AGBL1: variants seen among roughly 807,000 people sequenced by gnomAD.
AGBL1 encodes the protein AGBL carboxypeptidase 1, also known as cytosolic carboxypeptidase 4.
Under a neutral mutation model 118.9 loss-of-function variants are expected in AGBL1, and 130 were observed. The observed-to-expected ratio is 1.09, with a 90% CI of 0.95 to 1.26. The LOEUF is 1.26. Among genes scored for constraint, AGBL1 ranks in the 50% most tolerant of loss-of-function variants. The probability of loss-of-function intolerance (pLI) is 0.00; values close to 1 mark genes in which losing one functional copy is unlikely to be tolerated. For missense variants in AGBL1, 1,584 were observed against 1,298.1 expected, an observed-to-expected ratio of 1.22 and a Z score of -3.38; for synonymous variants, 555 against 478.9, an observed-to-expected ratio of 1.16 and a Z score of -2.08.
At chr15:86,367,363 T>C (rs1362820951) in intron 17 of AGBL1, among the ~76,000 whole-genome samples, 2 of 152,190 alleles carry the variant, frequency 1.3e-5, no homozygotes, top group Admixed American at 6.5e-5. Flanking sequence ...AATTCTAATA[T>C]GAAGGGAATT....
intron 23 of AGBL1, among the ~76,000 whole-genome samples, chr15:86,945,015 A>G (rs898137255): frequency 1.2e-4 from 19 of 152,292 alleles, no homozygotes; most frequent in African/African-American, 3.8e-4. Flanking sequence ...ACAATGTCAC[A>G]GTAAATAAAT....
At chr15:86,902,250 C>T (rs2080221373) in intron 22 of AGBL1, among the ~76,000 whole-genome samples, 1 of 152,180 alleles carries the variant, frequency 6.6e-6, no homozygotes, top group Admixed American at 6.5e-5. Flanking sequence ...TCTGGCTCAT[C>T]TATCTCCTCT....
At chr15:86,213,852 A>G (rs576339107) in intron 5 of AGBL1, among the ~76,000 whole-genome samples, 16 of 152,322 alleles carry the variant, frequency 1.1e-4, no homozygotes, top group African/African-American at 2.6e-4. Flanking sequence ...TATTTCCACT[A>G]TCTACTGTCA....
chr15:86,410,236 G>T (rs1447741035), intron 18 of AGBL1, among the ~76,000 whole-genome samples: 1 of 152,140 alleles, frequency 6.6e-6, no homozygotes, highest in African/African-American at 2.4e-5. Flanking sequence ...GGGGTGCTCT[G>T]ATTTTGCAGA....
intron 18 of AGBL1, among the ~76,000 whole-genome samples, chr15:86,470,789 TG>T (rs2082469702): frequency 1.3e-5 from 2 of 152,272 alleles, no homozygotes; most frequent in South Asian, 4.1e-4. Context: ...TTAATGCTAT[TG>T]TAAATGGGAT....
intron 5 of AGBL1, among the ~76,000 whole-genome samples, chr15:86,178,977 A>G (rs1488668722): frequency 6.6e-6 from 1 of 152,212 alleles, no homozygotes; most frequent in Non-Finnish European, 1.5e-5. Flanking sequence ...TTCCCAGACA[A>G]AGCATGCGAA....
rs954307161 is a variant in AGBL1, at chr15:86,117,104, C to T, written c.52-24900C>T. Among the ~76,000 whole-genome samples, 4 of 152,062 alleles carry T rather than the reference C, an allele frequency of 2.6e-5. No homozygotes were observed. The South Asian group carries it at 6.2e-4, about 24-fold the overall frequency. ...CTATGGCTCATGGGAACTAAAATCA[C>T]TATTTTATTCCTTTTTACATAAAGA... On this transcript the variant is annotated intron_variant, in intron 1 of 22. Coordinates refer to ENST00000614907, the MANE Select transcript of AGBL1 (RefSeq NM_001386094.1).
intron 24 of AGBL1, among the ~76,000 whole-genome samples, chr15:87,026,985 G>A (rs113166390): frequency 1.3e-5 from 2 of 152,128 alleles, no homozygotes; most frequent in African/African-American, 2.4e-5. Flanking sequence ...GGGACTCAGG[G>A]AAAGGGTGGG....
chr15:86,269,131 C>A (rs1445737869), intron 13 of AGBL1, among the ~76,000 whole-genome samples: 2 of 152,086 alleles, frequency 1.3e-5, no homozygotes, highest in Admixed American at 1.3e-4. Context: ...AGTAGTCACA[C>A]AAGTGGTTTC....
At chr15:86,402,934 G>GC (rs1169759776) in intron 18 of AGBL1, among the ~76,000 whole-genome samples, 1 of 152,196 alleles carries the variant, frequency 6.6e-6, no homozygotes, top group Non-Finnish European at 1.5e-5. Flanking sequence ...TGGCCTGGTA[G>GC]TTTGTGTTGA....
At chr15:86,172,730 T>C (rs1369674949) in intron 5 of AGBL1, among the ~76,000 whole-genome samples, 1 of 152,236 alleles carries the variant, frequency 6.6e-6, no homozygotes, top group South Asian at 2.1e-4. Context: ...TAGACCACAT[T>C]TAAAAAATCC....
chr15:86,764,193 G>A (rs538077593), intron 22 of AGBL1, among the ~76,000 whole-genome samples: 7 of 151,944 alleles, frequency 4.6e-5, no homozygotes, highest in African/African-American at 7.2e-5. Flanking sequence ...CAATATACAC[G>A]CTTCCAGAAA....
rs1331002965 is a variant in AGBL1, at chr15:86,513,659, T to G, written c.2556-9151T>G. Among the ~76,000 whole-genome samples the G allele has an allele frequency of 5.3e-5, 8 of 152,050 alleles. 1 individual carries two copies. The highest frequency in any genetic ancestry group is 3.9e-4 in the Admixed American group (6 of 15,262). On this transcript the variant is annotated intron_variant, in intron 18 of 22. Coordinates refer to ENST00000614907, the MANE Select transcript of AGBL1 (RefSeq NM_001386094.1). ...ACTGTGATGTTTGTCAAATGATAAG[T>G]TTTTTAAGTTTTCTCTAAATGTATA... is the stretch of plus-strand genomic sequence containing the variant.
intron 21 of AGBL1, among the ~76,000 whole-genome samples, chr15:86,664,967 C>A (rs1055930602): frequency 2.0e-5 from 3 of 151,812 alleles, no homozygotes; most frequent in African/African-American, 7.3e-5. Context: ...ATAAGGAAAA[C>A]ACACAAAGAA....
intron 22 of AGBL1, among the ~76,000 whole-genome samples, chr15:86,834,101 C>A (rs1331122272): frequency 2.6e-5 from 4 of 152,110 alleles, no homozygotes; most frequent in African/African-American, 4.8e-5. Flanking sequence ...ATTATAGTTT[C>A]TCCTACACAA....
chr15:86,457,704 A>G (rs561416322), intron 18 of AGBL1, among the ~76,000 whole-genome samples: 1 of 152,216 alleles, frequency 6.6e-6, no homozygotes, highest in Non-Finnish European at 1.5e-5. Context: ...TAGTCACATT[A>G]TATAGGATGA....
intron 24 of AGBL1, among the ~76,000 whole-genome samples, chr15:86,990,747 A>C (rs1369863997): frequency 1.3e-5 from 2 of 152,172 alleles, no homozygotes; most frequent in Non-Finnish European, 2.9e-5. Context: ...TCAGGGAGTT[A>C]GCTTGGAGGC....
chr15:86,377,868 T>C, intron 17 of AGBL1, among the ~76,000 whole-genome samples: 1 of 152,184 alleles, frequency 6.6e-6, no homozygotes, highest in East Asian at 1.9e-4. Context: ...ATTATTCGTA[T>C]GATTGCCTGA....
chr15:86,236,940 G>C (rs1477776793), intron 6 of AGBL1, among the ~76,000 whole-genome samples: 10 of 68,802 alleles, frequency 1.5e-4, no homozygotes, highest in Non-Finnish European at 1.8e-4. Flanking sequence ...GGCGGGGGGG[G>C]GCGGGGGGGG....
Sources: allele counts gnomAD v4.1 joint callset (sites outside exome capture counted in the v4.1 genomes callset), GRCh38; gene constraint gnomAD v4.1.1; transcripts MANE v1.5; gene names NCBI Gene and HGNC (gene_info 2026-07-23, HGNC 2026-07-21).